The following PARVA variants were observed in gnomAD, a reference collection of about 807,000 sequenced individuals.
PARVA encodes alpha-parvin.
Under a neutral mutation model 52.6 loss-of-function variants are expected in PARVA, and 25 were observed. The observed-to-expected ratio is 0.48, with a 90% confidence interval of 0.35 to 0.66. The LOEUF (loss-of-function observed/expected upper bound fraction) is 0.66, where lower values mean the gene tolerates loss of function less well. Among genes scored for constraint, PARVA ranks in the 30% least tolerant of loss-of-function variants. The pLI is 0.01. For missense variants in PARVA, 373 were observed against 450.9 expected (o/e 0.83, Z 1.56); for synonymous variants, 185 against 179.1 (o/e 1.03, Z -0.26).
At chr11:12,401,093 T>G (rs1399143495) in intron 1 of PARVA, among the ~76,000 whole-genome samples, 3 of 152,216 alleles carry the variant, frequency 2.0e-5, no homozygotes, top group African/African-American at 7.2e-5. Flanking sequence ...CACTGCGGCA[T>G]GTAGTGGGAC....
At chr11:12,482,481 C>T (rs1321145946) in intron 4 of PARVA, among the ~76,000 whole-genome samples, 20 of 151,886 alleles carry the variant, frequency 1.3e-4, no homozygotes, top group Non-Finnish European at 2.1e-4. Flanking sequence ...CAAAAATTAG[C>T]CAGGCGTGGT....
chr11:12,424,170 T>C (rs1237062058), intron 1 of PARVA, among the ~76,000 whole-genome samples: 3 of 152,208 alleles, frequency 2.0e-5, no homozygotes, highest in Middle Eastern at 3.2e-3. Flanking sequence ...TCTAGATATA[T>C]AAATTCTCAG....
intron 12 of PARVA, among the ~76,000 whole-genome samples, chr11:12,522,267 G>T (rs1046255764): frequency 1.3e-5 from 2 of 152,112 alleles, no homozygotes; most frequent in African/African-American, 4.8e-5. Flanking sequence ...GAACTGAGAA[G>T]TCAGGGCAGG....
In PARVA at chr11:12,529,128, G is replaced by A. The variant is rs1361994841; in HGVS notation, c.*1203G>A. ...CTAATTGATCATTTAGACTATTCTG[G>A]CTAAGTCTGCCCACATGTAATTACC... On this transcript the variant is annotated 3_prime_UTR_variant, in exon 13 of 13. Coordinates refer to ENST00000334956, the MANE Select transcript of PARVA (RefSeq NM_018222.5). The A allele has an allele frequency of 6.6e-6, 1 of 152,178 alleles. No individual in the cohort carries two copies. Among genetic ancestry groups the A allele is most frequent in the Non-Finnish European group, 1.5e-5 (1 of 68,036 alleles). 9.4% of individuals were successfully genotyped at this position (152,178 alleles called of 1,614,324 possible).
intron 1 of PARVA, among the ~76,000 whole-genome samples, chr11:12,443,450 G>A (rs896530572): frequency 3.3e-5 from 5 of 152,114 alleles, no homozygotes; most frequent in African/African-American, 9.7e-5. Context: ...GATTACAGGC[G>A]TGAGGCACCA....
chr11:12,428,180 T>C (rs1479612979), intron 1 of PARVA, among the ~76,000 whole-genome samples: 1 of 152,198 alleles, frequency 6.6e-6, no homozygotes, highest in Admixed American at 6.5e-5. Flanking sequence ...AGCAGAGAAG[T>C]TGGGCAAATG....
intron 1 of PARVA, among the ~76,000 whole-genome samples, chr11:12,422,725 A>G (rs914186608): frequency 1.3e-5 from 2 of 152,128 alleles, no homozygotes; most frequent in African/African-American, 4.8e-5. Flanking sequence ...ATGAAGTCTC[A>G]TTACTGATGA....
chr11:12,488,670 G>A (rs754268201), intron 4 of PARVA, among the ~76,000 whole-genome samples: 2 of 152,144 alleles, frequency 1.3e-5, no homozygotes, highest in Non-Finnish European at 2.9e-5. Flanking sequence ...AGCCTTGGAT[G>A]TGAACAGAAC....
chr11:12,394,405 G>A (rs922089940), intron 1 of PARVA, among the ~76,000 whole-genome samples: 15 of 152,216 alleles, frequency 9.9e-5, no homozygotes, highest in Non-Finnish European at 1.6e-4. Flanking sequence ...TGGGAGATCT[G>A]ATGATATTAA....
At chr11:12,513,936 G>T (rs932615152) in intron 9 of PARVA, 61 bp from the exon 10 acceptor site, 1 of 1,452,472 alleles carries the variant, frequency 6.9e-7, no homozygotes, top group African/African-American at 1.6e-5. Context: ...TCACGGAGCA[G>T]CCACAGGCTC....
intron 4 of PARVA, among the ~76,000 whole-genome samples, chr11:12,484,204 A>G (rs992516038): frequency 9.2e-5 from 14 of 152,226 alleles, no homozygotes; most frequent in African/African-American, 3.1e-4. Flanking sequence ...CCTATACAAC[A>G]TAATTCATCA....
intron 1 of PARVA, among the ~76,000 whole-genome samples, chr11:12,408,202 T>C (rs971252083): frequency 2.0e-5 from 3 of 152,076 alleles, no homozygotes; most frequent in African/African-American, 7.2e-5. Flanking sequence ...GTCTCTCACA[T>C]GTCTGGCCCT....
intron 1 of PARVA, among the ~76,000 whole-genome samples, chr11:12,423,960 C>T (rs1050124117): frequency 4.6e-5 from 7 of 152,044 alleles, no homozygotes; most frequent in African/African-American, 1.4e-4. Context: ...TTAATTTTGC[C>T]AGTCATTTAT....
chr11:12,443,169 CTTTTTTT>C (rs1180380526), intron 1 of PARVA, among the ~76,000 whole-genome samples: 66 of 78,332 alleles, frequency 8.4e-4, no homozygotes, highest in Non-Finnish European at 1.3e-3. Flanking sequence ...CGCCCCCCTT[CTTTTTTT>C]TTTTTTTTTT....
intron 1 of PARVA, among the ~76,000 whole-genome samples, chr11:12,435,585 G>C (rs1188633296): frequency 1.3e-5 from 2 of 152,178 alleles, no homozygotes; most frequent in Non-Finnish European, 2.9e-5. Flanking sequence ...GCTGCATGTT[G>C]AGTGTACAAA....
intron 1 of PARVA, among the ~76,000 whole-genome samples, chr11:12,387,551 G>C (rs1300089950): frequency 1.4e-5 from 1 of 69,166 alleles, no homozygotes; most frequent in Non-Finnish European, 3.9e-5. Flanking sequence ...CTCTATTTTT[G>C]AGCGTGTGTG....
chr11:12,519,285 T>A (rs1253718033), intron 12 of PARVA, among the ~76,000 whole-genome samples: 3 of 152,182 alleles, frequency 2.0e-5, no homozygotes, highest in Non-Finnish European at 4.4e-5. Context: ...TGAGTAGGAA[T>A]GGTGGGCTCT....
At chr11:12,400,209 A>T (rs539571475) in intron 1 of PARVA, among the ~76,000 whole-genome samples, 1 of 152,230 alleles carries the variant, frequency 6.6e-6, no homozygotes, top group African/African-American at 2.4e-5. Flanking sequence ...CTATTTAACT[A>T]TATTATTTTT....
chr11:12,495,162 C>T (rs1446224138), intron 4 of PARVA, among the ~76,000 whole-genome samples: 1 of 152,148 alleles, frequency 6.6e-6, no homozygotes, highest in African/African-American at 2.4e-5. Flanking sequence ...CTTGTTAAAT[C>T]CCTGAACTTT....
Sources: allele counts gnomAD v4.1 joint callset (sites outside exome capture counted in the v4.1 genomes callset), GRCh38; gene constraint gnomAD v4.1.1; transcripts MANE v1.5; gene names NCBI Gene and HGNC (gene_info 2026-07-23, HGNC 2026-07-21).